Variants in PRR5L observed in about 807,000 individuals in gnomAD.
PRR5L encodes the protein proline-rich protein 5-like.
PRR5L carries 21 observed loss-of-function variants against 36.4 expected under a neutral mutation model. The ratio of observed to expected loss-of-function variants is 0.58; its 90% CI spans 0.41 to 0.83. The LOEUF (loss-of-function observed/expected upper bound fraction) is 0.83, where lower values mean the gene tolerates loss of function less well. Among genes scored for constraint, PRR5L ranks in the 40% least tolerant of loss-of-function variants. The pLI is 0.00. For synonymous variants in PRR5L, 188 were observed against 197.0 expected, an observed-to-expected ratio of 0.95 and a Z score of 0.38; for missense variants, 381 against 473.3, an observed-to-expected ratio of 0.80 and a Z score of 1.81.
At chr11:36,384,795 C>G (rs1214724746) in intron 1 of PRR5L, among the ~76,000 whole-genome samples, 2 of 151,666 alleles carry the variant, frequency 1.3e-5, no homozygotes, top group Admixed American at 1.3e-4. Context: ...GCCTCAGCCT[C>G]CTGAGTAGGT....
chr11:36,341,804 C>T (rs769270000), intron 1 of PRR5L, among the ~76,000 whole-genome samples: 2 of 152,148 alleles, frequency 1.3e-5, no homozygotes, highest in African/African-American at 4.8e-5. Context: ...ACCTGGTTTT[C>T]CAGAAGCTGA....
chr11:36,444,913 A>G (rs568098823), intron 6 of PRR5L, among the ~76,000 whole-genome samples: 1 of 152,374 alleles, frequency 6.6e-6, no homozygotes, highest in East Asian at 1.9e-4. Flanking sequence ...CTGTTGCCTC[A>G]GCATCTCTGT....
chr11:36,403,216 A>C, intron 2 of PRR5L, 82 bp from the exon 3 acceptor site: 1 of 1,218,544 alleles, frequency 8.2e-7, no homozygotes, highest in Non-Finnish European at 1.2e-6. Flanking sequence ...TGGTCACTCC[A>C]CACACCTTCA....
intron 1 of PRR5L, chr11:36,375,878 C>T (rs12287792): frequency 0.022 from 5,329 of 239,626 alleles, 305 homozygotes; most frequent in African/African-American, 0.11. Flanking sequence ...ATTATATTTT[C>T]ATCAATGCAC....
chr11:36,396,354 T>A (rs1190957473), intron 1 of PRR5L, among the ~76,000 whole-genome samples: 1 of 152,190 alleles, frequency 6.6e-6, no homozygotes, highest in African/African-American at 2.4e-5. Context: ...CTGAGGAACT[T>A]GCTACACAGA....
rs1415775647 is a variant in PRR5L, at chr11:36,351,604, TATATATTTATATA to T, written c.-125-49392_-125-49380del. 7.3e-3 allele frequency among the ~76,000 whole-genome samples: 31 copies of T among 4,252 alleles called. 5 individuals carry two copies. Among genetic ancestry groups the T allele is most frequent in the African/African-American group, 0.033 (31 of 952 alleles). The allele number at this position is 4,252 out of a possible 152,430, so 2.8% of individuals were successfully genotyped here. A position where few individuals can be genotyped will look rare whatever the true frequency, so the allele number is the denominator to read the frequency against. ...ATATATATTTATATATTTATATAAATATATATTTATATATTTATATATTTATATAAATATATAT... is the reference window on the plus strand; with the variant it reads ...ATATATATTTATATATTTATATAAATTTTATATATTTATATAAATATATAT... On this transcript the variant is annotated intron_variant, in intron 1 of 8. Transcript: ENST00000530639.
chr11:36,389,328 G>T (rs1004458329), intron 1 of PRR5L, among the ~76,000 whole-genome samples: 1 of 152,138 alleles, frequency 6.6e-6, no homozygotes, highest in Non-Finnish European at 1.5e-5. Flanking sequence ...ACCTTGCAAA[G>T]CCTAAGAGGG....
intron 1 of PRR5L, chr11:36,394,353 A>C (rs71481974): frequency 0.084 from 12,737 of 152,292 alleles, 554 homozygotes; most frequent in South Asian, 0.1. Flanking sequence ...CTTTCTGGTC[A>C]TCACAGCTCT....
intron 1 of PRR5L, chr11:36,376,028 G>T (rs1476188534): frequency 8.7e-6 from 5 of 573,446 alleles, no homozygotes; most frequent in Admixed American, 7.6e-5. Flanking sequence ...CGGGGGCGGG[G>T]GTCGGCTGCA....
intron 3 of PRR5L, among the ~76,000 whole-genome samples, chr11:36,409,630 A>G (rs1200022746): frequency 6.6e-6 from 1 of 152,186 alleles, no homozygotes; most frequent in Non-Finnish European, 1.5e-5. Context: ...GAGGAAGGTG[A>G]GCCTGGATCC....
At chr11:36,355,991 A>G (rs977937162) in intron 1 of PRR5L, among the ~76,000 whole-genome samples, 3 of 151,866 alleles carry the variant, frequency 2.0e-5, no homozygotes, top group Non-Finnish European at 4.4e-5. Context: ...AGCTCACTGC[A>G]GCCTTGACCT....
At chr11:36,381,436 G>A (rs1446915762) in intron 1 of PRR5L, among the ~76,000 whole-genome samples, 1 of 151,820 alleles carries the variant, frequency 6.6e-6, no homozygotes, top group Non-Finnish European at 1.5e-5. Flanking sequence ...CCAAGGACAG[G>A]GGGCAGGGTA....
chr11:36,412,301 G>A (rs954232789), intron 3 of PRR5L, among the ~76,000 whole-genome samples: 7 of 152,116 alleles, frequency 4.6e-5, no homozygotes, highest in Admixed American at 1.3e-4. Context: ...ATGTGGGAAC[G>A]CCTACATTGT....
chr11:36,326,197 C>A, intron 1 of PRR5L, among the ~76,000 whole-genome samples: 1 of 150,894 alleles, frequency 6.6e-6, no homozygotes. Flanking sequence ...AATCTGTGTC[C>A]CTTCATCCTC....
In PRR5L at chr11:36,344,755, C is replaced by A. The variant is rs1856848064; in HGVS notation, c.-126+48317C>A. On this transcript the variant is annotated intron_variant, in intron 1 of 8. Coordinates refer to ENST00000530639, the MANE Select transcript of PRR5L (RefSeq NM_001160167.2). This position sits in a 1 kb window ranked among gnomAD's most constrained non-coding sequence, Gnocchi z 4.1. ...ATTAAAAAATCAAGATAAATGAAAA[C>A]CATGAGGATTCTGACTGAGAATGAA... 6.6e-6 allele frequency among the ~76,000 whole-genome samples: 1 copy of A among 152,070 alleles called. No homozygotes were observed. Among genetic ancestry groups the A allele is most frequent in the African/African-American group, 2.4e-5 (1 of 41,394 alleles).
chr11:36,367,938 G>A (rs1857161198), intron 1 of PRR5L, among the ~76,000 whole-genome samples: 1 of 152,096 alleles, frequency 6.6e-6, no homozygotes, highest in Non-Finnish European at 1.5e-5. Context: ...GGTTAAGATA[G>A]TATATCTCGG....
intron 1 of PRR5L, among the ~76,000 whole-genome samples, chr11:36,367,259 G>T (rs538311231): frequency 1.3e-5 from 2 of 152,192 alleles, no homozygotes; most frequent in Non-Finnish European, 2.9e-5. Context: ...ACTAGGCTTT[G>T]CCATAAAAGA....
intron 1 of PRR5L, chr11:36,297,335 T>C (rs186234836): frequency 1.3e-5 from 2 of 152,292 alleles, no homozygotes; most frequent in East Asian, 3.9e-4. Context: ...AATTTTTTCG[T>C]TTGTTTATTT....
intron 1 of PRR5L, among the ~76,000 whole-genome samples, chr11:36,307,541 A>G (rs575359971): frequency 1.1e-4 from 17 of 152,298 alleles, no homozygotes; most frequent in Admixed American, 3.3e-4. Flanking sequence ...ATCCTCAGGC[A>G]GAAATAGGGC....
Sources: allele counts gnomAD v4.1 joint callset (sites outside exome capture counted in the v4.1 genomes callset), GRCh38; gene constraint gnomAD v4.1.1; non-coding constraint Gnocchi (gnomAD v3.1); transcripts MANE v1.5; gene names NCBI Gene and HGNC (gene_info 2026-07-23, HGNC 2026-07-21).